SRC: variants seen among roughly 807,000 people sequenced by gnomAD.
The protein encoded by SRC is SRC proto-oncogene, non-receptor tyrosine kinase.
Under a neutral mutation model 62.9 loss-of-function variants are expected in SRC, and 13 were observed. The ratio of observed to expected loss-of-function variants is 0.21; its 90% CI spans 0.13 to 0.33. SRC has a LOEUF of 0.33. Among genes scored for constraint, SRC ranks in the 10% least tolerant of loss-of-function variants. The pLI is 1.00. For missense variants in SRC, 457 were observed against 737.3 expected (o/e 0.62, Z 4.40); for synonymous variants, 302 against 317.5 (o/e 0.95, Z 0.52).
intron 5 of SRC, 55 bp downstream of exon 5, chr20:37,386,229 G>T (rs967903515): frequency 2.0e-6 from 3 of 1,514,818 alleles, no homozygotes; most frequent in South Asian, 2.2e-5. Flanking sequence ...ACTTCAAAGC[G>T]GGCAGGGGCT....
At chr20:37,355,319 C>T (rs1025832550) in intron 1 of SRC, among the ~76,000 whole-genome samples, 6 of 151,958 alleles carry the variant, frequency 3.9e-5, no homozygotes, top group South Asian at 2.1e-4. Context: ...CTGCTGTTCC[C>T]GTTTCTCTCC....
At chr20:37,389,256 G>A (rs1261879217) in intron 5 of SRC, among the ~76,000 whole-genome samples, 1 of 152,012 alleles carries the variant, frequency 6.6e-6, no homozygotes. Flanking sequence ...CAGGAGTCAG[G>A]GCCCCTCCTG....
At chr20:37,353,601 G>A (rs558182714) in intron 1 of SRC, among the ~76,000 whole-genome samples, 1 of 152,248 alleles carries the variant, frequency 6.6e-6, no homozygotes, top group South Asian at 2.1e-4. Context: ...CCAGGCAAAT[G>A]GTTGTCTCAT....
chr20:37,395,630 G>T (rs1266249343), intron 7 of SRC, among the ~76,000 whole-genome samples: 1 of 152,138 alleles, frequency 6.6e-6, no homozygotes, highest in African/African-American at 2.4e-5. Flanking sequence ...ACCCCCTCCC[G>T]CCTGAGCCTG....
intron 2 of SRC, among the ~76,000 whole-genome samples, chr20:37,378,764 G>T (rs944926979): frequency 3.3e-5 from 5 of 152,202 alleles, no homozygotes; most frequent in South Asian, 2.1e-4. Flanking sequence ...CTGGCTGCGG[G>T]GGGAGGGTGG....
rs1243469866 is a variant in SRC at position 37,396,030 on chromosome 20, G to A, written c.554-132G>A. ...GCTGCCCCGGGGCTGGCTGTTGAGA[G>A]ACAGGGTGGGCCTGGGGCCCCGCCT... On this transcript the variant is annotated intron_variant, in intron 7 of 13. Coordinates refer to ENST00000373578, the MANE Select transcript of SRC (RefSeq NM_198291.3). The surrounding 1 kb of genome is among the most constrained non-coding windows in gnomAD (Gnocchi z 6.1). 2.3e-5 allele frequency: 30 copies of A among 1,315,050 alleles called. No individual in the cohort carries two copies. Among genetic ancestry groups the A allele is most frequent in the Non-Finnish European group, 1.2e-5 (12 of 970,426 alleles). The allele number at this position is 1,315,050 out of a possible 1,614,324, so 81.5% of individuals were successfully genotyped here.
intron 5 of SRC, 174 bp downstream of exon 5, chr20:37,386,348 G>A (rs1040945185): frequency 1.4e-6 from 1 of 736,474 alleles, no homozygotes; most frequent in East Asian, 2.7e-5. Context: ...GGCAGCACCT[G>A]CTGTTGCTCC....
At chr20:37,395,557 C>A (rs1308090885) in intron 7 of SRC, among the ~76,000 whole-genome samples, 1 of 152,252 alleles carries the variant, frequency 6.6e-6, no homozygotes, top group South Asian at 2.1e-4. Flanking sequence ...TTGACCCAGG[C>A]AGCCTTCAGG....
At position 37,396,341 on chromosome 20, in the gene SRC, G is replaced by C. The variant is rs1042024967; in HGVS notation, c.703+30G>C. 2 of 1,609,926 alleles carry C rather than the reference G, an allele frequency of 1.2e-6. No homozygotes were observed. Among genetic ancestry groups the C allele is most frequent in the African/African-American group, 1.3e-5 (1 of 75,032 alleles). ...GCCAGCCTCGGAGGGCGGAGGGCGG[G>C]CGGGCAAAGCCTCAGCTGCAGACTC... is the stretch of plus-strand genomic sequence containing the variant. On this transcript the variant is annotated intron_variant, in intron 8 of 13. Coordinates refer to ENST00000373578, the MANE Select transcript of SRC (RefSeq NM_198291.3). The surrounding 1 kb of genome is among the most constrained non-coding windows in gnomAD (Gnocchi z 6.1).
intron 2 of SRC, among the ~76,000 whole-genome samples, chr20:37,365,893 T>C (rs1304476446): frequency 6.6e-6 from 1 of 152,150 alleles, no homozygotes; most frequent in Non-Finnish European, 1.5e-5. Context: ...CAGAATTTTT[T>C]TTTTTTTTAG....
At chr20:37,354,929 A>G (rs2069859273) in intron 1 of SRC, among the ~76,000 whole-genome samples, 1 of 152,224 alleles carries the variant, frequency 6.6e-6, no homozygotes, top group African/African-American at 2.4e-5. Flanking sequence ...CCAGGCTTAT[A>G]GAAAGTGTCA....
chr20:37,388,444 G>A (rs1425555944), intron 5 of SRC, among the ~76,000 whole-genome samples: 4 of 152,186 alleles, frequency 2.6e-5, no homozygotes, highest in South Asian at 2.1e-4. Flanking sequence ...ATGCTCCTTC[G>A]CTTAGACGTC....
intron 1 of SRC, among the ~76,000 whole-genome samples, chr20:37,363,552 CT>C (rs2070010914): frequency 6.6e-6 from 1 of 152,112 alleles, no homozygotes; most frequent in Admixed American, 6.5e-5. Context: ...CCCCTGTGGC[CT>C]TGTATGTAAA....
At position 37,403,607 on chromosome 20, in the gene SRC, C is replaced by A; in HGVS notation, c.*228C>A. 1 of 571,738 alleles carries A rather than the reference C, an allele frequency of 1.7e-6. No individual in the cohort carries two copies. Among genetic ancestry groups the A allele is most frequent in the South Asian group, 2.2e-5 (1 of 45,590 alleles). 35.4% of individuals were successfully genotyped at this position (571,738 alleles called of 1,614,324 possible). On this transcript the variant is annotated 3_prime_UTR_variant, in exon 14 of 14. Coordinates refer to ENST00000373578, the MANE Select transcript of SRC (RefSeq NM_198291.3). This position sits in a 1 kb window ranked among gnomAD's most constrained non-coding sequence, Gnocchi z 7.1. ...CAGCACGGTGACTCTGTCCAGCTCCCGCTGTGGCCGCACGCCTCTCCCTGC... is the reference window on the plus strand; with the variant it reads ...CAGCACGGTGACTCTGTCCAGCTCCAGCTGTGGCCGCACGCCTCTCCCTGC...
intron 5 of SRC, 41 bp downstream of exon 5, chr20:37,386,215 T>TG (rs1229503787): frequency 6.3e-7 from 1 of 1,586,416 alleles, no homozygotes; most frequent in Admixed American, 1.7e-5. Context: ...GGCTGGGTGG[T>TG]GGGACTTCAA....
At chr20:37,360,218 C>CTCTTTTT (rs1273945378) in intron 1 of SRC, among the ~76,000 whole-genome samples, 13 of 105,626 alleles carry the variant, frequency 1.2e-4, no homozygotes, top group African/African-American at 5.3e-4. Flanking sequence ...CTCTCTCTCT[C>CTCTTTTT]TTTTTTTTTT....
At chr20:37,400,094 G>C in intron 9 of SRC, 21 bp from the exon 10 acceptor site, 1 of 1,578,252 alleles carries the variant, frequency 6.3e-7, no homozygotes. Flanking sequence ...CACTGAGTCA[G>C]CCTGCATCCC....
chr20:37,359,110 C>T lies in SRC; in HGVS notation c.-246-6094C>T, dbSNP rs78801128. On this transcript the variant is annotated intron_variant, in intron 1 of 13. Transcript: ENST00000373578. Reference sequence around the variant, plus strand: ...AAGCCAGGGTGGGCAGAAGCTCTGCCGCAGAGATGGACCAGGCAGGTGGCA... The same window carrying T: ...AAGCCAGGGTGGGCAGAAGCTCTGCTGCAGAGATGGACCAGGCAGGTGGCA... Among the ~76,000 whole-genome samples the T allele has an allele frequency of 3.4e-4, 52 of 152,332 alleles. No homozygotes were observed. The East Asian group carries it at 7.7e-3, about 23-fold the overall frequency.
chr20:37,370,817 C>T (rs2146979212), intron 2 of SRC, among the ~76,000 whole-genome samples: 1 of 152,188 alleles, frequency 6.6e-6, no homozygotes, highest in Middle Eastern at 3.4e-3. Flanking sequence ...GGAAGTGTTT[C>T]CTAGAGAAGA....
Sources: gnomAD v4.1 joint callset for allele counts (sites outside exome capture counted in the v4.1 genomes callset) on GRCh38, gnomAD v4.1.1 for gene constraint, Gnocchi (gnomAD v3.1) non-coding constraint, MANE v1.5 for transcripts, NCBI Gene and HGNC (gene_info 2026-07-23, HGNC 2026-07-21) for gene names.